Variants in RAB3GAP1 observed in about 807,000 individuals in gnomAD.
RAB3GAP1 encodes RAB3 GTPase activating protein catalytic subunit 1, also known as rab3 GTPase-activating protein catalytic subunit.
RAB3GAP1 carries 86 observed loss-of-function variants against 130.7 expected under a neutral mutation model. The observed-to-expected ratio is 0.66, with a 90% confidence interval of 0.55 to 0.79. The LOEUF (loss-of-function observed/expected upper bound fraction) is 0.79. RAB3GAP1 is among the 30% of genes least tolerant of loss of function. The pLI, the probability that RAB3GAP1 is intolerant of heterozygous loss-of-function variation, is 0.00. For synonymous variants in RAB3GAP1, 367 were observed against 401.7 expected (o/e 0.91, Z 1.03); for missense variants, 1,029 against 1,169.4 (o/e 0.88, Z 1.75).
At chr2:135,148,906 G>T (rs1036302709) in intron 17 of RAB3GAP1, among the ~76,000 whole-genome samples, 1 of 151,928 alleles carries the variant, frequency 6.6e-6, no homozygotes, top group Non-Finnish European at 1.5e-5. Context: ...GTGATCCTGG[G>T]CAAGGCGCTT....
chr2:135,106,495 G>A (rs1343885381), intron 5 of RAB3GAP1, among the ~76,000 whole-genome samples: 1 of 152,118 alleles, frequency 6.6e-6, no homozygotes, highest in African/African-American at 2.4e-5. Flanking sequence ...TGTCCACTCA[G>A]GGTTAAATGG....
chr2:135,139,989 T>C (rs1362046853), intron 17 of RAB3GAP1, among the ~76,000 whole-genome samples: 2 of 152,240 alleles, frequency 1.3e-5, no homozygotes, highest in East Asian at 3.8e-4. Context: ...ATACATTGTG[T>C]ACTCTTTCGT....
At chr2:135,158,795 A>G (rs1411725539) in intron 19 of RAB3GAP1, among the ~76,000 whole-genome samples, 1 of 152,160 alleles carries the variant, frequency 6.6e-6, no homozygotes, top group African/African-American at 2.4e-5. Context: ...AACATCACCA[A>G]TGAGGAGTAA....
rs759715968 is a variant in RAB3GAP1 at position 135,113,222 on chromosome 2, G to A, written c.434G>A (p.Cys145Tyr). 6.2e-7 allele frequency: 1 copy of A among 1,614,174 alleles called. No individual in the cohort carries two copies. Among genetic ancestry groups the A allele is most frequent in the South Asian group, 1.1e-5 (1 of 91,086 alleles). The change falls in exon 6 of 24, where the codon TGC (cysteine) becomes TAC (tyrosine). Residue 145 changes from cysteine to tyrosine, a missense_variant. This residue lies in a region of RAB3GAP1 where 510 missense variants were observed against 532.1 expected (regional missense o/e 0.96). Transcript: ENST00000264158. ...GACGCTGTTCTCAGCGAATCTAAGTGCAACCTTCTTCTGAGTTCTGTTTCT... is the reference window on the plus strand; with the variant it reads ...GACGCTGTTCTCAGCGAATCTAAGTACAACCTTCTTCTGAGTTCTGTTTCT... ...HSDAVLSESK[C>Y]NLLLSSVSIA...
chr2:135,129,175 G>A lies in RAB3GAP1; in HGVS notation c.974-820G>A, dbSNP rs189591267. ...TCAAAAATAATAGTAATAATGGGCC[G>A]GGCGCGGTGACTCACACTTGTAATC... On this transcript the variant is annotated intron_variant, in intron 11 of 23. Coordinates refer to ENST00000264158, the MANE Select transcript of RAB3GAP1 (RefSeq NM_012233.3). 2.6e-3 allele frequency among the ~76,000 whole-genome samples: 389 copies of A among 149,924 alleles called. 1 individual carries two copies. The highest frequency in any genetic ancestry group is 8.7e-3 in the African/African-American group (354 of 40,676).
intron 7 of RAB3GAP1, among the ~76,000 whole-genome samples, chr2:135,117,669 GCTTCTTCTGCTTCTGCTT>G (rs1691051817): frequency 3.1e-3 from 57 of 18,326 alleles, no homozygotes; most frequent in African/African-American, 7.1e-3. Flanking sequence ...TTCTGCTTCT[GCTTCTTCTGCTTCTGCTT>G]CTTCTTCTGC....
intron 7 of RAB3GAP1, among the ~76,000 whole-genome samples, chr2:135,117,513 G>GCTTCTTCTTCTTCTGCTTCTTCTT (rs1187892015): frequency 3.7e-5 from 1 of 26,856 alleles, no homozygotes; most frequent in African/African-American, 1.6e-4. Context: ...TTCTTCTTCT[G>GCTTCTTCTTCTTCTGCTTCTTCTT]CTTCTTCTGC....
chr2:135,075,550 T>C (rs1015859986), intron 3 of RAB3GAP1, among the ~76,000 whole-genome samples: 1 of 152,218 alleles, frequency 6.6e-6, no homozygotes, highest in Admixed American at 6.5e-5. Context: ...TGTTTATACA[T>C]GTTCCTATTG....
chr2:135,163,617 C>T (rs775237755), intron 22 of RAB3GAP1, among the ~76,000 whole-genome samples: 1 of 152,162 alleles, frequency 6.6e-6, no homozygotes, highest in Non-Finnish European at 1.5e-5. Flanking sequence ...ATGATTGGGG[C>T]ATTCTCTTTA....
At chr2:135,116,928 T>C (rs533725459) in intron 7 of RAB3GAP1, among the ~76,000 whole-genome samples, 6 of 152,256 alleles carry the variant, frequency 3.9e-5, no homozygotes, top group African/African-American at 1.2e-4. Context: ...TAGATAACAT[T>C]TGTTAGAAAG....
At chr2:135,070,317 G>T (rs890523716) in intron 3 of RAB3GAP1, among the ~76,000 whole-genome samples, 23 of 152,266 alleles carry the variant, frequency 1.5e-4, no homozygotes, top group Admixed American at 1.0e-3. Flanking sequence ...CTTCTTTTAG[G>T]TCAACATGTG....
chr2:135,060,334 A>G (rs1214955509), intron 3 of RAB3GAP1, among the ~76,000 whole-genome samples: 1 of 141,444 alleles, frequency 7.1e-6, no homozygotes, highest in African/African-American at 2.7e-5. Context: ...ATCTCAGCTC[A>G]CCGCAACCTC....
chr2:135,115,088 T>G, intron 6 of RAB3GAP1, 128 bp from the exon 7 acceptor site: 2 of 804,512 alleles, frequency 2.5e-6, no homozygotes, highest in Non-Finnish European at 4.0e-6. Flanking sequence ...CACAAACCTG[T>G]GTTTTTGTTG....
chr2:135,052,842 C>G (rs1048700454), intron 2 of RAB3GAP1, among the ~76,000 whole-genome samples: 2 of 152,204 alleles, frequency 1.3e-5, no homozygotes, highest in Admixed American at 6.5e-5. Context: ...CCGTTTAACT[C>G]ATTATCGTAA....
At chr2:135,124,033 G>T (rs1044606318) in intron 8 of RAB3GAP1, 132 bp from the exon 9 acceptor site, 1 of 802,348 alleles carries the variant, frequency 1.2e-6, no homozygotes, top group African/African-American at 1.7e-5. Flanking sequence ...CTGTAAGTTG[G>T]TCTAACTTGC....
At chr2:135,088,157 A>C (rs1430127844) in intron 3 of RAB3GAP1, among the ~76,000 whole-genome samples, 1 of 152,208 alleles carries the variant, frequency 6.6e-6, no homozygotes, top group African/African-American at 2.4e-5. Flanking sequence ...GTATCTCTGT[A>C]TCATTTAAAA....
intron 7 of RAB3GAP1, among the ~76,000 whole-genome samples, chr2:135,118,836 C>T (rs1217643971): frequency 6.6e-6 from 1 of 151,990 alleles, no homozygotes; most frequent in Non-Finnish European, 1.5e-5. Flanking sequence ...ACACAATAAC[C>T]TCCAGTCCCA....
At chr2:135,052,520 T>C (rs745527623) in intron 2 of RAB3GAP1, 35 bp downstream of exon 2, 5 of 1,611,916 alleles carry the variant, frequency 3.1e-6, no homozygotes, top group Admixed American at 3.3e-5. Context: ...CCAGCTCCCA[T>C]GGGCCCTGGC....
At chr2:135,158,449 G>C (rs1386196200) in intron 19 of RAB3GAP1, among the ~76,000 whole-genome samples, 1 of 152,146 alleles carries the variant, frequency 6.6e-6, no homozygotes, top group Non-Finnish European at 1.5e-5. Context: ...GGACAATTTT[G>C]AGTTGTAAAT....
Sources: allele counts gnomAD v4.1 joint callset (sites outside exome capture counted in the v4.1 genomes callset), GRCh38; gene constraint gnomAD v4.1.1; regional missense constraint gnomAD v4.1.1; transcripts MANE v1.5; gene names NCBI Gene and HGNC (gene_info 2026-07-23, HGNC 2026-07-21).